The following MARCHF8 variants were observed in gnomAD, a reference collection of about 807,000 sequenced individuals.
MARCHF8 encodes the protein E3 ubiquitin-protein ligase MARCHF8.
In MARCHF8, 40 loss-of-function variants were observed where a neutral mutation model predicts 51.6. The ratio of observed to expected loss-of-function variants is 0.77; its 90% CI spans 0.60 to 1.01. The LOEUF is 1.01. MARCHF8 is among the 50% of genes least tolerant of loss of function. MARCHF8 has a pLI of 0.00. For missense variants in MARCHF8, 685 were observed against 708.6 expected, an observed-to-expected ratio of 0.97 and a Z score of 0.38; for synonymous variants, 263 against 280.3, an observed-to-expected ratio of 0.94 and a Z score of 0.62.
intron 5 of MARCHF8, chr10:45,461,637 G>A (rs1842790882): frequency 8.2e-6 from 3 of 367,126 alleles, no homozygotes; most frequent in Non-Finnish European, 1.4e-5. Flanking sequence ...GCAACAGAAA[G>A]GAAAAAACGA....
chr10:45,558,680 C>T (rs542691334), intron 1 of MARCHF8, among the ~76,000 whole-genome samples: 2 of 152,294 alleles, frequency 1.3e-5, no homozygotes, highest in East Asian at 1.9e-4. Context: ...AGTTCTGCCT[C>T]CAGCACTAGC....
In MARCHF8 at chr10:45,462,838, C is replaced by CT. The variant is rs1293906142; in HGVS notation, c.1088+312dup. On this transcript the variant is annotated intron_variant, in intron 5 of 7. Coordinates refer to ENST00000453424, the MANE Select transcript of MARCHF8 (RefSeq NM_001282866.2). ...ACGGGGTTTCGCCACGTTGGCCAAGCTGGTCTCAAACTCCTGACCTCAGGT... is the reference window on the plus strand; with the variant it reads ...ACGGGGTTTCGCCACGTTGGCCAAGCTTGGTCTCAAACTCCTGACCTCAGGT... 3.3e-5 allele frequency among the ~76,000 whole-genome samples: 5 copies of CT among 152,238 alleles called. No homozygotes were observed. The East Asian group carries it at 9.7e-4, about 29-fold the overall frequency.
intron 1 of MARCHF8, among the ~76,000 whole-genome samples, chr10:45,542,079 C>G (rs928639490): frequency 2.6e-5 from 4 of 152,206 alleles, no homozygotes; most frequent in African/African-American, 9.7e-5. Context: ...GGCGCAGTGG[C>G]TCATGCCGGT....
At chr10:45,536,880 T>TAATAATAAA (rs947568782), upstream of MARCHF8, among the ~76,000 whole-genome samples, 15 of 145,346 alleles carry the variant, frequency 1.0e-4, no homozygotes, top group East Asian at 4.0e-4. Context: ...ATAATAATAA[T>TAATAATAAA]AAAGACAAAT....
At chr10:45,588,376 C>T (rs4948680) in intron 1 of MARCHF8, among the ~76,000 whole-genome samples, 62 of 152,230 alleles carry the variant, frequency 4.1e-4, no homozygotes, top group African/African-American at 9.6e-4. Context: ...GGTAGTTTTG[C>T]CTTGATGATT....
chr10:45,483,357 T>C (rs1358801199), intron 3 of MARCHF8, among the ~76,000 whole-genome samples: 1 of 152,096 alleles, frequency 6.6e-6, no homozygotes, highest in South Asian at 2.1e-4. Context: ...AAAAAAGACA[T>C]GTAAATGACC....
At chr10:45,551,711 C>G (rs2044196856) in intron 1 of MARCHF8, among the ~76,000 whole-genome samples, 2 of 152,160 alleles carry the variant, frequency 1.3e-5, no homozygotes, top group African/African-American at 4.8e-5. Context: ...CCCTGAGCCT[C>G]CAGCCTGCCA....
intron 2 of MARCHF8, among the ~76,000 whole-genome samples, chr10:45,521,282 A>G (rs1227618165): frequency 1.3e-5 from 2 of 152,228 alleles, no homozygotes; most frequent in African/African-American, 4.8e-5. Context: ...GTATACCATG[A>G]TTTGATTAAG....
intron 1 of MARCHF8, among the ~76,000 whole-genome samples, chr10:45,548,432 C>T (rs10900226): frequency 0.35 from 53,831 of 151,908 alleles, 10,065 homozygotes; most frequent in African/African-American, 0.48. Context: ...GTACAACCAC[C>T]GGGGCAGGTA....
intron 1 of MARCHF8, among the ~76,000 whole-genome samples, chr10:45,540,497 C>T (rs2044034816): frequency 6.6e-6 from 1 of 151,970 alleles, no homozygotes; most frequent in African/African-American, 2.4e-5. Flanking sequence ...CCATTCAGGA[C>T]ATAGGCATGG....
intron 1 of MARCHF8, among the ~76,000 whole-genome samples, chr10:45,585,811 T>C (rs2044612622): frequency 2.0e-5 from 3 of 152,180 alleles, no homozygotes; most frequent in Admixed American, 1.3e-4. Context: ...AAACTTCTTT[T>C]CTTTGGCAAA....
rs370976996 is a variant in MARCHF8, at chr10:45,475,156, C to T, written c.154-10829G>A. Among the ~76,000 whole-genome samples, 9 of 152,344 alleles carry T rather than the reference C, an allele frequency of 5.9e-5. No homozygotes were observed. The East Asian group carries it at 1.2e-3, about 20-fold the overall frequency. ...AGCTGCTGCTGCCAGGGATGAAGTG[C>T]AAACCATTTGGCAAAGACCCTGCTG... On this transcript the variant is annotated intron_variant, in intron 3 of 7. Transcript: ENST00000453424.
At chr10:45,535,505 T>G (rs573936688), upstream of MARCHF8, 1 of 152,180 alleles carries the variant, frequency 6.6e-6, no homozygotes, top group East Asian at 1.9e-4. Context: ...TTTTTACAGT[T>G]TTGAAGGACA....
chr10:45,493,387 G>T (rs918596591), intron 2 of MARCHF8, among the ~76,000 whole-genome samples: 8 of 152,122 alleles, frequency 5.3e-5, no homozygotes, highest in Non-Finnish European at 1.2e-4. Context: ...GTGACCCCAG[G>T]AGAGATGGAA....
intron 1 of MARCHF8, among the ~76,000 whole-genome samples, chr10:45,579,480 G>A (rs578192496): frequency 1.5e-3 from 218 of 149,888 alleles, no homozygotes; most frequent in Middle Eastern, 3.5e-3. Context: ...AGATTAACAG[G>A]AAAAGGACAT....
At chr10:45,464,127 G>C (rs1842889077) in intron 4 of MARCHF8, 112 bp downstream of exon 4, 1 of 1,547,464 alleles carries the variant, frequency 6.5e-7, no homozygotes, top group Admixed American at 1.7e-5. Flanking sequence ...CTCGCCAACT[G>C]TTTAGACCAA....
intron 1 of MARCHF8, among the ~76,000 whole-genome samples, chr10:45,541,853 G>A (rs893059775): frequency 6.6e-6 from 1 of 152,120 alleles, no homozygotes; most frequent in African/African-American, 2.4e-5. Context: ...AGATACATGC[G>A]GCTGCCTATG....
chr10:45,495,643 T>A (rs1238562677), intron 2 of MARCHF8, among the ~76,000 whole-genome samples: 1 of 150,756 alleles, frequency 6.6e-6, no homozygotes, highest in African/African-American at 2.4e-5. Flanking sequence ...GTACCATAAT[T>A]CCCCTGTCTA....
At chr10:45,501,196 G>C (rs561787730) in intron 2 of MARCHF8, among the ~76,000 whole-genome samples, 4 of 151,266 alleles carry the variant, frequency 2.6e-5, no homozygotes, top group Admixed American at 6.6e-5. Context: ...GATAGGCAAA[G>C]GAACTAGAAT....
Sources: gnomAD v4.1 joint callset for allele counts (sites outside exome capture counted in the v4.1 genomes callset) on GRCh38, gnomAD v4.1.1 for gene constraint, MANE v1.5 for transcripts, NCBI Gene and HGNC (gene_info 2026-07-23, HGNC 2026-07-21) for gene names.